Variants in PRNP observed in about 807,000 individuals in gnomAD.
PRNP encodes the protein major prion protein.
In PRNP, 15 loss-of-function variants were observed where a neutral mutation model predicts 21.3. The observed-to-expected ratio is 0.71, with a 90% CI of 0.47 to 1.09. PRNP has a LOEUF of 1.09. Ranked by LOEUF, PRNP falls within the 50% of genes least tolerant of loss-of-function variation. The pLI, the probability that PRNP is intolerant of heterozygous loss-of-function variation, is 0.00. For missense variants in PRNP, 285 were observed against 340.9 expected (o/e 0.84, Z 1.29); for synonymous variants, 121 against 123.1 (o/e 0.98, Z 0.11).
At chr20:4,692,608 A>G (rs915135308) in intron 1 of PRNP, among the ~76,000 whole-genome samples, 5 of 152,210 alleles carry the variant, frequency 3.3e-5, no homozygotes, top group Non-Finnish European at 5.9e-5. Flanking sequence ...GAAACGTTTT[A>G]AAAATAGCTT....
rs573756196 is a variant in PRNP, at chr20:4,695,613, G to A, written c.-10-3598G>A. ...TAATAGGATGATTTATATTCCTTTG[G>A]GTATATACCTAGTAATGGGATTGCT... On this transcript the variant is annotated intron_variant, in intron 1 of 1. Coordinates refer to ENST00000379440, the MANE Select transcript of PRNP (RefSeq NM_000311.5). Among the ~76,000 whole-genome samples the A allele has an allele frequency of 4.6e-5, 7 of 152,128 alleles. No homozygotes were observed. In the South Asian group the frequency reaches 1.2e-3, roughly 27 times the overall value.
chr20:4,687,353 G>T (rs568219571), intron 1 of PRNP, among the ~76,000 whole-genome samples: 3,138 of 152,264 alleles, frequency 0.021, 59 homozygotes, highest in South Asian at 0.058. Context: ...CAGGTGCGAT[G>T]GCGGACCCCA....
intron 1 of PRNP, among the ~76,000 whole-genome samples, chr20:4,689,696 T>C (rs1472026770): frequency 6.6e-6 from 1 of 152,236 alleles, no homozygotes; most frequent in Admixed American, 6.5e-5. Flanking sequence ...AAAACATGTC[T>C]GTATCTAACC....
intron 1 of PRNP, among the ~76,000 whole-genome samples, chr20:4,698,084 G>T (rs1034584762): frequency 6.6e-6 from 1 of 152,058 alleles, no homozygotes; most frequent in Admixed American, 6.6e-5. Flanking sequence ...TAGCAGGGAG[G>T]CCAAGAGCTG....
At chr20:4,695,094 C>T (rs1314988856) in intron 1 of PRNP, among the ~76,000 whole-genome samples, 1 of 151,902 alleles carries the variant, frequency 6.6e-6, no homozygotes, top group Non-Finnish European at 1.5e-5. Context: ...TTAACTTTGT[C>T]CAGAGTCAGC....
In PRNP at chr20:4,697,242, A is replaced by G. The variant is rs141764596; in HGVS notation, c.-10-1969A>G. 1.1e-3 allele frequency among the ~76,000 whole-genome samples: 173 copies of G among 152,330 alleles called. No homozygotes were observed. The highest frequency in any genetic ancestry group is 4.0e-3 in the African/African-American group (168 of 41,566). On this transcript the variant is annotated intron_variant, in intron 1 of 1. Transcript: ENST00000379440. The surrounding 1 kb of genome is among the most constrained non-coding windows in gnomAD (Gnocchi z 4.6). ...TTGATTATTCCTTATGCTTTATAAC[A>G]TGTGTTTTCCCATTCATTCATTTAT...
chr20:4,698,231 A>AAT (rs1251377001), intron 1 of PRNP, among the ~76,000 whole-genome samples: 1 of 152,180 alleles, frequency 6.6e-6, no homozygotes, highest in African/African-American at 2.4e-5. Context: ...GTAACTTTCA[A>AAT]ATATATTTTG....
chr20:4,692,820 G>T (rs1275674505), intron 1 of PRNP, among the ~76,000 whole-genome samples: 1 of 151,984 alleles, frequency 6.6e-6, no homozygotes, highest in Non-Finnish European at 1.5e-5. Flanking sequence ...TTTAGATTTT[G>T]GCACCTGTGT....
intron 1 of PRNP, among the ~76,000 whole-genome samples, chr20:4,688,725 A>G (rs566807183): frequency 6.6e-6 from 1 of 152,356 alleles, no homozygotes; most frequent in South Asian, 2.1e-4. Context: ...ATATGTGGGG[A>G]AAAACTGACA....
rs1922358017 is a variant in PRNP, at chr20:4,699,099, T to C, written c.-10-112T>C. On this transcript the variant is annotated intron_variant, in intron 1 of 1. Transcript: ENST00000379440. The surrounding 1 kb of genome is among the most constrained non-coding windows in gnomAD (Gnocchi z 5.8). Reference sequence around the variant, plus strand: ...TCAGAGAAGTACAGGGTGGCAACAGTGTTTCTACTGAGCAGCTGATACCAT... The same window carrying C: ...TCAGAGAAGTACAGGGTGGCAACAGCGTTTCTACTGAGCAGCTGATACCAT... 7.7e-7 allele frequency: 1 copy of C among 1,307,174 alleles called. No individual in the cohort carries two copies. Among genetic ancestry groups the C allele is most frequent in the Non-Finnish European group, 1.1e-6 (1 of 912,406 alleles). The allele number at this position is 1,307,174 out of a possible 1,614,324, so 81.0% of individuals were successfully genotyped here. A position where few individuals can be genotyped will look rare whatever the true frequency, so the allele number is the denominator to read the frequency against.
At chr20:4,688,601 C>T (rs540618838) in intron 1 of PRNP, among the ~76,000 whole-genome samples, 1 of 152,270 alleles carries the variant, frequency 6.6e-6, no homozygotes, top group South Asian at 2.1e-4. Flanking sequence ...AAAATTAGAA[C>T]ACCTGGAAAA....
Position 4,696,988 on chromosome 20 carries a change from A to T in PRNP, c.-10-2223A>T, listed in dbSNP as rs956183203. Among the ~76,000 whole-genome samples the T allele has an allele frequency of 2.6e-5, 4 of 152,196 alleles. No individual in the cohort carries two copies. The East Asian group carries it at 7.7e-4, about 29-fold the overall frequency. On this transcript the variant is annotated intron_variant, in intron 1 of 1. Transcript: ENST00000379440. ...ACTCTTACAGCTTTAAATGAGGCAC[A>T]TTCAAAGCCCGACTCAGTGTCATTC...
chr20:4,691,099 C>T (rs1921800054), intron 1 of PRNP, among the ~76,000 whole-genome samples: 1 of 151,994 alleles, frequency 6.6e-6, no homozygotes, highest in Non-Finnish European at 1.5e-5. Flanking sequence ...ATAAATTTAG[C>T]CAAGAAGGTG....
rs1018075140 is a variant in PRNP at position 4,697,999 on chromosome 20, A to C, written c.-10-1212A>C. Among the ~76,000 whole-genome samples the C allele has an allele frequency of 3.3e-5, 5 of 152,144 alleles. No homozygotes were observed. Among genetic ancestry groups the C allele is most frequent in the African/African-American group, 1.2e-4 (5 of 41,424 alleles). The stretch of plus-strand genomic sequence containing the variant: ...ATTGCAGCGAATGGAGAAGGTGCTG[A>C]CATAAAAGCCCTTTAGACTGAAAGC... On this transcript the variant is annotated intron_variant, in intron 1 of 1. Transcript: ENST00000379440. This position sits in a 1 kb window ranked among gnomAD's most constrained non-coding sequence, Gnocchi z 4.6.
intron 1 of PRNP, among the ~76,000 whole-genome samples, chr20:4,698,447 T>C (rs957681208): frequency 6.6e-6 from 1 of 152,216 alleles, no homozygotes; most frequent in Non-Finnish European, 1.5e-5. Context: ...GTTTCTGAGT[T>C]CACAAAAATG....
At chr20:4,698,790 C>T (rs1653159664) in intron 1 of PRNP, among the ~76,000 whole-genome samples, 2 of 152,170 alleles carry the variant, frequency 1.3e-5, no homozygotes, top group African/African-American at 4.8e-5. Flanking sequence ...TAGGTCTCTG[C>T]TCTTGGAGCT....
rs529897823 is a variant in PRNP at position 4,699,205 on chromosome 20, T to C, written c.-10-6T>C. 6.2e-7 allele frequency: 1 copy of C among 1,613,896 alleles called. No homozygotes were observed. Among genetic ancestry groups the C allele is most frequent in the Admixed American group, 1.7e-5 (1 of 60,032 alleles). ...GGACTCTGACGTTCTCCTCTTCATTTTGCAGAGCAGTCATTATGGCGAACC... is the reference window on the plus strand; with the variant it reads ...GGACTCTGACGTTCTCCTCTTCATTCTGCAGAGCAGTCATTATGGCGAACC... On this transcript the variant is annotated splice_region_variant and splice_polypyrimidine_tract_variant and intron_variant, in intron 1 of 1. Coordinates refer to ENST00000379440, the MANE Select transcript of PRNP (RefSeq NM_000311.5). The surrounding 1 kb of genome is among the most constrained non-coding windows in gnomAD (Gnocchi z 5.8).
chr20:4,689,285 CAA>C (rs1921673486), intron 1 of PRNP, among the ~76,000 whole-genome samples: 2 of 152,048 alleles, frequency 1.3e-5, no homozygotes, highest in Non-Finnish European at 2.9e-5. Flanking sequence ...TGAAAGTCAC[CAA>C]ATGTCACAGA....
intron 1 of PRNP, among the ~76,000 whole-genome samples, chr20:4,692,518 TTAAAATTATGA>T (rs1362069920): frequency 3.3e-5 from 5 of 152,330 alleles, no homozygotes; most frequent in Admixed American, 3.3e-4. Flanking sequence ...GCCTTTCCTC[TTAAAATTATGA>T]TATCTTGGGC....
Sources: allele counts gnomAD v4.1 joint callset (sites outside exome capture counted in the v4.1 genomes callset), GRCh38; gene constraint gnomAD v4.1.1; non-coding constraint Gnocchi (gnomAD v3.1); transcripts MANE v1.5; gene names NCBI Gene and HGNC (gene_info 2026-07-23, HGNC 2026-07-21).